Variants in PPP6R3 observed in about 807,000 individuals in gnomAD.
PPP6R3 encodes serine/threonine-protein phosphatase 6 regulatory subunit 3.
A neutral mutation model predicts 110.7 loss-of-function variants in PPP6R3; 38 were observed. The observed-to-expected ratio is 0.34, with a 90% CI of 0.26 to 0.45. The LOEUF (loss-of-function observed/expected upper bound fraction) is 0.45. PPP6R3 is among the 20% of genes least tolerant of loss of function. The probability of loss-of-function intolerance (pLI) is 1.00; values close to 1 mark genes in which losing one functional copy is unlikely to be tolerated. For missense variants in PPP6R3, 870 were observed against 1,062.4 expected, an observed-to-expected ratio of 0.82 and a Z score of 2.52; for synonymous variants, 369 against 373.5, an observed-to-expected ratio of 0.99 and a Z score of 0.14.
intron 9 of PPP6R3, among the ~76,000 whole-genome samples, chr11:68,566,228 C>A (rs574604383): frequency 7.0e-6 from 1 of 142,580 alleles, no homozygotes; most frequent in Admixed American, 7.1e-5. Flanking sequence ...CTACCACCAC[C>A]ACCACCACGG....
intron 18 of PPP6R3, among the ~76,000 whole-genome samples, chr11:68,595,356 C>CA (rs1477234016): frequency 2.6e-5 from 4 of 151,794 alleles, no homozygotes; most frequent in Non-Finnish European, 5.9e-5. Flanking sequence ...GCTGGAATTA[C>CA]AGGTGCCCGC....
intron 21 of PPP6R3, among the ~76,000 whole-genome samples, chr11:68,602,323 A>G (rs756787256): frequency 5.3e-5 from 8 of 152,170 alleles, no homozygotes; most frequent in African/African-American, 9.7e-5. Flanking sequence ...TCAAGCATGT[A>G]GGTGTATCTG....
intron 23 of PPP6R3, among the ~76,000 whole-genome samples, chr11:68,611,526 A>G (rs1943391832): frequency 6.6e-6 from 1 of 152,196 alleles, no homozygotes; most frequent in East Asian, 1.9e-4. Flanking sequence ...AGCCAGTGGA[A>G]GAAGAGGGGC....
intron 6 of PPP6R3, 63 bp downstream of exon 6, chr11:68,551,249 G>T: frequency 8.2e-7 from 1 of 1,222,336 alleles, no homozygotes; most frequent in South Asian, 1.3e-5. Context: ...TGTTTATTGG[G>T]CACAGAGCAT....
At chr11:68,605,312 C>G (rs1303474844) in intron 22 of PPP6R3, among the ~76,000 whole-genome samples, 1 of 152,106 alleles carries the variant, frequency 6.6e-6, no homozygotes, top group Non-Finnish European at 1.5e-5. Context: ...GACCCTGTCT[C>G]AAACAAAAGC....
At chr11:68,551,099 A>C (rs776914993) in intron 5 of PPP6R3, 22 bp from the exon 6 acceptor site, 1 of 1,545,330 alleles carries the variant, frequency 6.5e-7, no homozygotes, top group Non-Finnish European at 8.9e-7. Flanking sequence ...TGCTATGATT[A>C]CTTCTACAAT....
At chr11:68,590,217 A>G (rs755365364) in intron 16 of PPP6R3, among the ~76,000 whole-genome samples, 3 of 152,250 alleles carry the variant, frequency 2.0e-5, no homozygotes, top group South Asian at 2.1e-4. Context: ...TGTTAACAGC[A>G]TAAGATTTCA....
intron 10 of PPP6R3, 135 bp from the exon 11 acceptor site, chr11:68,569,613 G>A: frequency 1.4e-6 from 1 of 714,068 alleles, no homozygotes; most frequent in Non-Finnish European, 2.2e-6. Context: ...TGTGAACTCA[G>A]GTTCCTTTTA....
intron 3 of PPP6R3, among the ~76,000 whole-genome samples, chr11:68,541,197 C>A (rs1489576537): frequency 2.0e-5 from 3 of 152,176 alleles, no homozygotes; most frequent in African/African-American, 7.2e-5. Flanking sequence ...GTTCTTCTGC[C>A]ATGGCTTCAG....
intron 21 of PPP6R3, among the ~76,000 whole-genome samples, chr11:68,602,326 T>G (rs2099634379): frequency 6.6e-6 from 1 of 152,168 alleles, no homozygotes; most frequent in African/African-American, 2.4e-5. Flanking sequence ...AGCATGTAGG[T>G]GTATCTGGGT....
At chr11:68,608,202 CATT>C (rs1334117310) in intron 22 of PPP6R3, among the ~76,000 whole-genome samples, 1 of 152,048 alleles carries the variant, frequency 6.6e-6, no homozygotes, top group Non-Finnish European at 1.5e-5. Context: ...AAGAGACTGA[CATT>C]ATATATTCAA....
intron 19 of PPP6R3, among the ~76,000 whole-genome samples, chr11:68,599,430 G>A (rs1164190161): frequency 6.6e-6 from 1 of 152,230 alleles, no homozygotes; most frequent in Non-Finnish European, 1.5e-5. Context: ...CCCACAGACC[G>A]TAAGTGTGCT....
At chr11:68,555,646 T>C (rs2099396430) in intron 7 of PPP6R3, among the ~76,000 whole-genome samples, 1 of 152,250 alleles carries the variant, frequency 6.6e-6, no homozygotes, top group Admixed American at 6.5e-5. Context: ...ACCCAATGTG[T>C]AACCTAGCCA....
chr11:68,516,888 A>G (rs940402838), intron 1 of PPP6R3, among the ~76,000 whole-genome samples: 11 of 151,154 alleles, frequency 7.3e-5, no homozygotes, highest in Non-Finnish European at 8.8e-5. Context: ...TTCTTTTCCT[A>G]TAGTAGCCAT....
chr11:68,603,611 G>A, intron 22 of PPP6R3, 119 bp downstream of exon 22: 1 of 1,268,584 alleles, frequency 7.9e-7, no homozygotes, highest in Non-Finnish European at 1.1e-6. Context: ...CTAGCTTGAT[G>A]TCTTTCTGTT....
At chr11:68,557,350 C>G (rs556090925) in intron 7 of PPP6R3, among the ~76,000 whole-genome samples, 36 of 152,266 alleles carry the variant, frequency 2.4e-4, no homozygotes, top group South Asian at 1.7e-3. Flanking sequence ...AAGAGATTCT[C>G]TCCTATTTCC....
intron 1 of PPP6R3, among the ~76,000 whole-genome samples, chr11:68,512,390 G>T (rs2099115290): frequency 1.3e-5 from 2 of 151,930 alleles, no homozygotes; most frequent in South Asian, 4.2e-4. Flanking sequence ...CCCAAATGTT[G>T]GAATACCTAA....
chr11:68,550,315 A>G (rs1295686383), intron 5 of PPP6R3, among the ~76,000 whole-genome samples: 1 of 151,834 alleles, frequency 6.6e-6, no homozygotes, highest in Non-Finnish European at 1.5e-5. Flanking sequence ...TCCTTAAGCA[A>G]ATTGTGTTTG....
rs1234166959 is a variant in PPP6R3 at position 68,614,883 on chromosome 11, T to C, written c.*1766T>C. On this transcript the variant is annotated 3_prime_UTR_variant, in exon 24 of 24. Transcript: ENST00000393800. ...CCTCGGGGATTACTGGTAGATAATATGCTCTGGTCTCGCCTGGTGGTGAGT... is the reference window on the plus strand; with the variant it reads ...CCTCGGGGATTACTGGTAGATAATACGCTCTGGTCTCGCCTGGTGGTGAGT... 5 of 877,276 alleles carry C rather than the reference T, an allele frequency of 5.7e-6. No homozygotes were observed. Among genetic ancestry groups the C allele is most frequent in the Non-Finnish European group, 9.1e-6 (5 of 551,786 alleles). 54.3% of individuals were successfully genotyped at this position (877,276 alleles called of 1,614,324 possible).
Sources: allele counts gnomAD v4.1 joint callset (sites outside exome capture counted in the v4.1 genomes callset), GRCh38; gene constraint gnomAD v4.1.1; transcripts MANE v1.5; gene names NCBI Gene and HGNC (gene_info 2026-07-23, HGNC 2026-07-21).